DNAJC6: variants seen among roughly 807,000 people sequenced by gnomAD.
DNAJC6 encodes DnaJ heat shock protein family (Hsp40) member C6.
A neutral mutation model predicts 110.0 loss-of-function variants in DNAJC6; 34 were observed. The observed-to-expected ratio is 0.31, with a 90% confidence interval of 0.24 to 0.41. The LOEUF (loss-of-function observed/expected upper bound fraction) is 0.41, where lower values mean the gene tolerates loss of function less well. Ranked by LOEUF, DNAJC6 falls within the 10% of genes least tolerant of loss-of-function variation. The pLI is 1.00. For synonymous variants in DNAJC6, 406 were observed against 437.2 expected (o/e 0.93, Z 0.89); for missense variants, 1,031 against 1,207.8 (o/e 0.85, Z 2.17).
At chr1:65,288,756 A>G (rs890202896) in intron 1 of DNAJC6, among the ~76,000 whole-genome samples, 1 of 152,182 alleles carries the variant, frequency 6.6e-6, no homozygotes, top group South Asian at 2.1e-4. Flanking sequence ...TGAATTTTGT[A>G]TAAATGGAAT....
intron 1 of DNAJC6, among the ~76,000 whole-genome samples, chr1:65,328,300 T>C (rs1300486467): frequency 6.6e-6 from 1 of 152,250 alleles, no homozygotes; most frequent in Non-Finnish European, 1.5e-5. Flanking sequence ...CAGTTTTATG[T>C]AACTATGTTC....
intron 1 of DNAJC6, 97 bp downstream of exon 1, chr1:65,310,035 C>T (rs1422267928): frequency 3.0e-6 from 4 of 1,349,300 alleles, no homozygotes; most frequent in South Asian, 1.7e-5. Context: ...CCCCCAGCCC[C>T]GGTTTGCGAG....
chr1:65,348,026 G>C (rs1536174), intron 1 of DNAJC6, among the ~76,000 whole-genome samples: 109,776 of 152,066 alleles, frequency 0.72, 40,971 homozygotes, highest in African/African-American at 0.92. Context: ...CGTATGTTTG[G>C]CTTATCTTCC....
intron 1 of DNAJC6, among the ~76,000 whole-genome samples, chr1:65,311,223 T>TTTG (rs1645097210): frequency 7.6e-6 from 1 of 132,376 alleles, no homozygotes; most frequent in African/African-American, 2.9e-5. Context: ...CTGTTTTTTT[T>TTTG]TTTTTTTTTT....
intron 1 of DNAJC6, among the ~76,000 whole-genome samples, chr1:65,298,067 C>A (rs983700958): frequency 2.0e-5 from 3 of 152,152 alleles, no homozygotes; most frequent in African/African-American, 7.2e-5. Context: ...TCTGAATTTT[C>A]CAGGGAGACT....
intron 12 of DNAJC6, among the ~76,000 whole-genome samples, chr1:65,394,246 A>T (rs923625976): frequency 6.6e-6 from 1 of 152,178 alleles, no homozygotes; most frequent in African/African-American, 2.4e-5. Context: ...GTTATAGACA[A>T]TGAAACTGAG....
chr1:65,402,805 C>CT (rs796692953), intron 15 of DNAJC6, among the ~76,000 whole-genome samples: 71 of 152,266 alleles, frequency 4.7e-4, no homozygotes, highest in African/African-American at 1.7e-3. Flanking sequence ...ATGTTTTTCC[C>CT]TTTTAAGAAC....
intron 1 of DNAJC6, among the ~76,000 whole-genome samples, chr1:65,291,568 A>C (rs1204169222): frequency 6.6e-6 from 1 of 152,188 alleles, no homozygotes; most frequent in Non-Finnish European, 1.5e-5. Flanking sequence ...ATGAATTTAA[A>C]ATAAAATGTG....
At chr1:65,311,290 A>C (rs913665205) in intron 1 of DNAJC6, among the ~76,000 whole-genome samples, 1 of 130,310 alleles carries the variant, frequency 7.7e-6, no homozygotes, top group Non-Finnish European at 1.5e-5. Flanking sequence ...AGGGATGCGA[A>C]CTCGGCGGAC....
chr1:65,367,463 G>T (rs912363635), intron 4 of DNAJC6, among the ~76,000 whole-genome samples: 1 of 152,108 alleles, frequency 6.6e-6, no homozygotes, highest in South Asian at 2.1e-4. Context: ...AAACAAAAAT[G>T]TGGATAGATA....
At chr1:65,274,130 C>G (rs370812346) in intron 1 of DNAJC6, among the ~76,000 whole-genome samples, 2 of 152,088 alleles carry the variant, frequency 1.3e-5, no homozygotes, top group South Asian at 2.1e-4. Context: ...CTTTGTGGCT[C>G]TGTTATTAGG....
At chr1:65,382,138 C>G (rs1645827949) in intron 5 of DNAJC6, among the ~76,000 whole-genome samples, 1 of 152,128 alleles carries the variant, frequency 6.6e-6, no homozygotes, top group African/African-American at 2.4e-5. Context: ...AAGTTTTGCA[C>G]AGAAGATTTT....
intron 1 of DNAJC6, among the ~76,000 whole-genome samples, chr1:65,299,449 G>A (rs766518350): frequency 3.8e-4 from 58 of 152,186 alleles, no homozygotes; most frequent in Admixed American, 7.2e-4. Flanking sequence ...TCTGGGCTGG[G>A]TCTGTCCTGA....
intron 15 of DNAJC6, among the ~76,000 whole-genome samples, chr1:65,402,740 C>A (rs1052654130): frequency 6.6e-6 from 1 of 152,180 alleles, no homozygotes; most frequent in Non-Finnish European, 1.5e-5. Context: ...GCCTGGCTAC[C>A]GTTGTTGTCT....
chr1:65,278,210 G>A (rs1653736212), intron 1 of DNAJC6, among the ~76,000 whole-genome samples: 1 of 152,044 alleles, frequency 6.6e-6, no homozygotes, highest in Non-Finnish European at 1.5e-5. Context: ...CCTCTCAAAT[G>A]CAAGCTCCGT....
chr1:65,387,054 T>C (rs1487209817), intron 8 of DNAJC6, 125 bp downstream of exon 8: 2 of 815,080 alleles, frequency 2.5e-6, no homozygotes, highest in Non-Finnish European at 4.1e-6. Flanking sequence ...AAAGAGCGTT[T>C]AAAGATTGCT....
rs759246401 is a variant in DNAJC6 at position 65,411,354 on chromosome 1, G to T, written c.2739G>T (p.Met913Ile). 13 of 1,614,056 alleles carry T rather than the reference G, an allele frequency of 8.1e-6. No individual in the cohort carries two copies. The highest frequency in any genetic ancestry group is 1.1e-5 in the Non-Finnish European group (13 of 1,180,032). The part of the protein sequence containing the change: ...AGETKWKPVG[M>I]ADLVTPEQVK... ...AGACCAAGTGGAAACCAGTTGGCAT[G>T]GCAGACCTGGTAACACCAGAGCAGG... Residue 913 changes from methionine (M) to isoleucine (I), a missense_variant, in exon 18 of 19, where the codon ATG becomes ATT. Met to Ile is a conservative substitution (Grantham distance 10). Transcript: ENST00000371069.
intron 8 of DNAJC6, 71 bp from the exon 9 acceptor site, chr1:65,388,265 A>G: frequency 7.1e-7 from 1 of 1,405,148 alleles, no homozygotes; most frequent in Non-Finnish European, 1.0e-6. Flanking sequence ...ATGTCTCCCC[A>G]AAATCTAATC....
intron 1 of DNAJC6, among the ~76,000 whole-genome samples, chr1:65,341,922 C>T (rs949625747): frequency 1.3e-5 from 2 of 152,138 alleles, no homozygotes; most frequent in African/African-American, 2.4e-5. Flanking sequence ...TAGTTTTCCA[C>T]TCCTGCCTGT....
Sources: gnomAD v4.1 joint callset for allele counts (sites outside exome capture counted in the v4.1 genomes callset) on GRCh38, gnomAD v4.1.1 for gene constraint, MANE v1.5 for transcripts, NCBI Gene and HGNC (gene_info 2026-07-23, HGNC 2026-07-21) for gene names.